Variants in MSI2 observed in about 807,000 individuals in gnomAD.
MSI2 encodes musashi RNA binding protein 2.
Under a neutral mutation model 45.6 loss-of-function variants are expected in MSI2, and 17 were observed. The observed-to-expected ratio is 0.37, with a 90% CI of 0.26 to 0.56. The LOEUF (loss-of-function observed/expected upper bound fraction) is 0.56. MSI2 is among the 20% of genes least tolerant of loss of function. The pLI is 0.77. For missense variants in MSI2, 293 were observed against 444.2 expected (o/e 0.66, Z 3.06); for synonymous variants, 156 against 158.2 (o/e 0.99, Z 0.11).
At chr17:57,581,581 AAG>A (rs772136395) in intron 7 of MSI2, among the ~76,000 whole-genome samples, 8 of 152,138 alleles carry the variant, frequency 5.3e-5, no homozygotes, top group Non-Finnish European at 1.2e-4. Context: ...CTTTAGGAAA[AAG>A]AGACCTTGAG....
At chr17:57,645,603 CT>C (rs59505333) in intron 10 of MSI2, among the ~76,000 whole-genome samples, 7,034 of 143,908 alleles carry the variant, frequency 0.049, 486 homozygotes, top group African/African-American at 0.16. Context: ...GCCTGGCTAG[CT>C]TTTTTTTTTT....
intron 5 of MSI2, among the ~76,000 whole-genome samples, chr17:57,268,713 G>A (rs1197501391): frequency 1.3e-5 from 2 of 152,070 alleles, no homozygotes; most frequent in African/African-American, 2.4e-5. Flanking sequence ...GCGGGCACCT[G>A]TAATCCCAGC....
At chr17:57,313,866 C>A (rs566008037) in intron 5 of MSI2, among the ~76,000 whole-genome samples, 1 of 152,296 alleles carries the variant, frequency 6.6e-6, no homozygotes, top group African/African-American at 2.4e-5. Flanking sequence ...AAGAGGCGGG[C>A]CTGCTGGGGT....
chr17:57,561,788 T>A (rs2087582471), intron 7 of MSI2, among the ~76,000 whole-genome samples: 1 of 152,112 alleles, frequency 6.6e-6, no homozygotes, highest in South Asian at 2.1e-4. Context: ...CGGCTGCATG[T>A]TTAATGAGAA....
At chr17:57,490,067 C>A (rs1198986941) in intron 6 of MSI2, among the ~76,000 whole-genome samples, 1 of 152,146 alleles carries the variant, frequency 6.6e-6, no homozygotes, top group African/African-American at 2.4e-5. Context: ...GACCAAAGAT[C>A]ATGGACTGTG....
At chr17:57,665,622 G>A (rs769272562) in intron 11 of MSI2, among the ~76,000 whole-genome samples, 1 of 150,924 alleles carries the variant, frequency 6.6e-6, no homozygotes. Flanking sequence ...CTGCCTGCTA[G>A]AGCCCCAGCA....
At chr17:57,417,299 C>T (rs1048851689) in intron 6 of MSI2, among the ~76,000 whole-genome samples, 10 of 152,148 alleles carry the variant, frequency 6.6e-5, no homozygotes, top group Non-Finnish European at 1.2e-4. Context: ...TGACTTGCCC[C>T]ACACACCCCT....
intron 10 of MSI2, among the ~76,000 whole-genome samples, chr17:57,648,611 G>A (rs1910880331): frequency 6.6e-6 from 1 of 152,168 alleles, no homozygotes; most frequent in Admixed American, 6.5e-5. Context: ...CACATTTCCA[G>A]CAGTGGAGGG....
intron 5 of MSI2, among the ~76,000 whole-genome samples, chr17:57,361,894 A>T (rs771318672): frequency 1.5e-4 from 23 of 152,340 alleles, no homozygotes; most frequent in Middle Eastern, 6.8e-3. Context: ...GGATCATTTT[A>T]TATATGTGTA....
At chr17:57,392,298 G>A (rs957894775) in intron 5 of MSI2, among the ~76,000 whole-genome samples, 1 of 152,186 alleles carries the variant, frequency 6.6e-6, no homozygotes, top group African/African-American at 2.4e-5. Flanking sequence ...GTAAGAGGAA[G>A]TAGTATTTTT....
At chr17:57,590,567 C>G (rs1021031684) in intron 7 of MSI2, among the ~76,000 whole-genome samples, 2 of 152,206 alleles carry the variant, frequency 1.3e-5, no homozygotes, top group Non-Finnish European at 2.9e-5. Context: ...TAGCTTCATT[C>G]AAGAGAATGC....
chr17:57,442,805 G>C (rs2084825090), intron 6 of MSI2, among the ~76,000 whole-genome samples: 1 of 152,178 alleles, frequency 6.6e-6, no homozygotes, highest in Non-Finnish European at 1.5e-5. Flanking sequence ...CGGCACGCTG[G>C]GGGCCTGGGA....
intron 10 of MSI2, among the ~76,000 whole-genome samples, chr17:57,636,270 C>T (rs933885424): frequency 2.6e-5 from 4 of 152,162 alleles, no homozygotes; most frequent in African/African-American, 9.7e-5. Context: ...AAGCCTTGGC[C>T]ATAGGCAAGG....
At chr17:57,492,778 G>A (rs2085900839) in intron 6 of MSI2, among the ~76,000 whole-genome samples, 1 of 152,202 alleles carries the variant, frequency 6.6e-6, no homozygotes, top group African/African-American at 2.4e-5. Context: ...TGTATTTTTA[G>A]TAGAGACGGT....
intron 5 of MSI2, among the ~76,000 whole-genome samples, chr17:57,286,773 C>G (rs973926041): frequency 6.6e-6 from 1 of 152,084 alleles, no homozygotes; most frequent in Non-Finnish European, 1.5e-5. Flanking sequence ...AAACCCACAC[C>G]CCCTCCCCCG....
At chr17:57,371,269 G>C (rs2083416391) in intron 5 of MSI2, among the ~76,000 whole-genome samples, 1 of 152,124 alleles carries the variant, frequency 6.6e-6, no homozygotes, top group African/African-American at 2.4e-5. Context: ...TACGAGATTG[G>C]TCTGTGATAA....
At chr17:57,610,456 A>AGAC (rs1907143686) in intron 8 of MSI2, among the ~76,000 whole-genome samples, 140 of 99,614 alleles carry the variant, frequency 1.4e-3, no homozygotes, top group Middle Eastern at 4.8e-3. Flanking sequence ...CGTCTAAAAA[A>AGAC]AAAAAAAATT....
chr17:57,606,579 C>T (rs1271598417), intron 8 of MSI2, among the ~76,000 whole-genome samples: 4 of 152,116 alleles, frequency 2.6e-5, no homozygotes, highest in Admixed American at 6.5e-5. Flanking sequence ...CTCCTCTCTA[C>T]CCATTGCCCA....
At chr17:57,554,822 G>A (rs1482569340) in intron 7 of MSI2, among the ~76,000 whole-genome samples, 1 of 152,262 alleles carries the variant, frequency 6.6e-6, no homozygotes, top group Non-Finnish European at 1.5e-5. Flanking sequence ...TATAAAGCCT[G>A]GGCTTTGGCC....
Sources: gnomAD v4.1 joint callset for allele counts (sites outside exome capture counted in the v4.1 genomes callset) on GRCh38, gnomAD v4.1.1 for gene constraint, MANE v1.5 for transcripts, NCBI Gene and HGNC (gene_info 2026-07-23, HGNC 2026-07-21) for gene names.